NAV2: variants seen among roughly 807,000 people sequenced by gnomAD.
NAV2 encodes helicase, APC down-regulated 1.
In NAV2, 54 loss-of-function variants were observed where a neutral mutation model predicts 223.2. That is an observed-to-expected ratio of 0.24 (90% confidence interval 0.19 to 0.30). The LOEUF is 0.30. Ranked by LOEUF, NAV2 falls within the 10% of genes least tolerant of loss-of-function variation. NAV2 has a pLI of 1.00. For synonymous variants in NAV2, 1,279 were observed against 1,239.3 expected (o/e 1.03, Z -0.67); for missense variants, 2,806 against 3,147.5 (o/e 0.89, Z 2.60).
In NAV2 at chr11:20,044,983, C is replaced by A; in HGVS notation, c.3215C>A (p.Ala1072Glu). The change falls in exon 14 of 38, where the codon GCA becomes GAA. Residue 1072 changes from alanine to glutamate, a missense_variant. Transcript: ENST00000349880. ...KTPGTGKTDD[A>E]KVSEKGRLSP... ...TCTCTCTTAGGAAAAACAGACGACG[C>A]AAAGGTGTCTGAGAAAGGAAGGCTT... 6.2e-7 allele frequency: 1 copy of A among 1,611,548 alleles called. No homozygotes were observed.
At position 19,963,706 on chromosome 11, in the gene NAV2, C is replaced by T. The variant is rs74702699; in HGVS notation, c.2645+14626C>T. Among the ~76,000 whole-genome samples the T allele has an allele frequency of 3.9e-3, 601 of 152,274 alleles. 5 individuals are homozygous for T. The highest frequency in any genetic ancestry group is 0.011 in the African/African-American group (472 of 41,550). ...TATGTGTTTAATTTCAATTAAATGT[C>T]ACAGGTCTTTACTGTAGCATGAGAA... is the stretch of plus-strand genomic sequence containing the variant. On this transcript the variant is annotated intron_variant, in intron 10 of 37. Transcript: ENST00000349880.
chr11:19,925,830 A>G (rs1283323756), intron 6 of NAV2, among the ~76,000 whole-genome samples: 1 of 152,144 alleles, frequency 6.6e-6, no homozygotes, highest in East Asian at 1.9e-4. Flanking sequence ...TATTGAAAAG[A>G]CCATTCTTTC....
chr11:19,943,032 A>G (rs1159507513), intron 8 of NAV2, among the ~76,000 whole-genome samples: 1 of 152,224 alleles, frequency 6.6e-6, no homozygotes, highest in African/African-American at 2.4e-5. Context: ...ACCAGCAACA[A>G]TATGTCATTA....
chr11:20,094,223 C>CTTTTTTTTTTT (rs61099684), intron 29 of NAV2, among the ~76,000 whole-genome samples: 55 of 88,488 alleles, frequency 6.2e-4, no homozygotes, highest in Non-Finnish European at 7.4e-4. Context: ...TTTTCTTTAT[C>CTTTTTTTTTTT]TTTTTTTTTT....
chr11:19,894,756 G>A (rs2041810755), intron 6 of NAV2, among the ~76,000 whole-genome samples: 1 of 152,202 alleles, frequency 6.6e-6, no homozygotes, highest in Non-Finnish European at 1.5e-5. Flanking sequence ...TAGAGATGGA[G>A]TTTTGCTCTT....
At chr11:19,687,048 G>T (rs923758947) in intron 1 of NAV2, among the ~76,000 whole-genome samples, 4 of 152,210 alleles carry the variant, frequency 2.6e-5, no homozygotes, top group African/African-American at 9.6e-5. Flanking sequence ...AACACATTGA[G>T]CTCTTAACCA....
intron 1 of NAV2, among the ~76,000 whole-genome samples, chr11:19,678,514 G>A (rs191347513): frequency 3.4e-4 from 52 of 152,298 alleles, no homozygotes; most frequent in African/African-American, 1.2e-3. Flanking sequence ...ACTGTTTAGT[G>A]ACTGCCTGTT....
At chr11:19,909,850 T>C (rs1591189810) in intron 6 of NAV2, among the ~76,000 whole-genome samples, 1 of 152,296 alleles carries the variant, frequency 6.6e-6, no homozygotes, top group East Asian at 1.9e-4. Flanking sequence ...TGTCAACAGA[T>C]GTTACAAACG....
intron 11 of NAV2, among the ~76,000 whole-genome samples, chr11:20,015,948 A>T (rs1184451191): frequency 6.6e-6 from 1 of 152,196 alleles, no homozygotes; most frequent in Non-Finnish European, 1.5e-5. Flanking sequence ...TGTCACGGAA[A>T]TCAAACAGGA....
In NAV2 at chr11:19,739,139, G is replaced by A. The variant is rs536019574; in HGVS notation, c.267+25177G>A. ...TGAGGCTGCAGTGAACCACGATTGT[G>A]CCACTGGGCTTCAGTCTGGGTGACA... On this transcript the variant is annotated intron_variant, in intron 1 of 37. Coordinates refer to ENST00000349880, the MANE Select transcript of NAV2 (RefSeq NM_145117.5). Among the ~76,000 whole-genome samples, 5 of 152,298 alleles carry A rather than the reference G, an allele frequency of 3.3e-5. No individual in the cohort carries two copies. The South Asian group carries it at 6.2e-4, about 19-fold the overall frequency.
intron 1 of NAV2, among the ~76,000 whole-genome samples, chr11:19,422,356 A>G (rs531063087): frequency 1.1e-4 from 17 of 152,298 alleles, no homozygotes; most frequent in African/African-American, 3.8e-4. Flanking sequence ...GCGTGATCCC[A>G]TGGAACAGTG....
At chr11:19,495,509 C>T (rs2042765125) in intron 1 of NAV2, among the ~76,000 whole-genome samples, 1 of 152,146 alleles carries the variant, frequency 6.6e-6, no homozygotes, top group South Asian at 2.1e-4. Flanking sequence ...TAATACATTG[C>T]CTAACACCTC....
At chr11:19,723,814 G>T (rs1053274177) in intron 1 of NAV2, among the ~76,000 whole-genome samples, 1 of 152,202 alleles carries the variant, frequency 6.6e-6, no homozygotes, top group Non-Finnish European at 1.5e-5. Context: ...CCACATGCTG[G>T]CTGCAGCTCT....
chr11:19,937,705 G>A (rs1410702952), intron 7 of NAV2, among the ~76,000 whole-genome samples: 2 of 152,200 alleles, frequency 1.3e-5, no homozygotes, highest in Non-Finnish European at 2.9e-5. Context: ...GTTCCTTCTA[G>A]TACCTAGCAT....
intron 1 of NAV2, among the ~76,000 whole-genome samples, chr11:19,755,362 C>T (rs987137604): frequency 1.8e-4 from 27 of 152,164 alleles, no homozygotes; most frequent in African/African-American, 6.3e-4. Context: ...ACATCCCATG[C>T]ATGGACTGTG....
At chr11:19,706,437 A>G (rs1296529989) in intron 1 of NAV2, among the ~76,000 whole-genome samples, 1 of 152,168 alleles carries the variant, frequency 6.6e-6, no homozygotes, top group Non-Finnish European at 1.5e-5. Context: ...TAACCCCACA[A>G]ATAGTTGACC....
intron 1 of NAV2, among the ~76,000 whole-genome samples, chr11:19,759,370 A>C (rs981471306): frequency 6.6e-6 from 1 of 152,176 alleles, no homozygotes; most frequent in Non-Finnish European, 1.5e-5. Flanking sequence ...GGCGTGAGCC[A>C]CCGTGCCTGG....
At chr11:19,680,229 C>T (rs549270867) in intron 1 of NAV2, among the ~76,000 whole-genome samples, 2 of 152,172 alleles carry the variant, frequency 1.3e-5, no homozygotes, top group African/African-American at 2.4e-5. Flanking sequence ...CCCCACCCCC[C>T]TCTTTAGAGC....
intron 1 of NAV2, among the ~76,000 whole-genome samples, chr11:19,654,072 C>A (rs540333084): frequency 3.9e-5 from 6 of 152,022 alleles, no homozygotes; most frequent in Non-Finnish European, 7.4e-5. Context: ...TGTGCAAAAA[C>A]CACAAGCATT....
Sources: allele counts gnomAD v4.1 joint callset (sites outside exome capture counted in the v4.1 genomes callset), GRCh38; gene constraint gnomAD v4.1.1; transcripts MANE v1.5; gene names NCBI Gene and HGNC (gene_info 2026-07-23, HGNC 2026-07-21).